SAMD4A: variants seen among roughly 807,000 people sequenced by gnomAD.
SAMD4A encodes sterile alpha motif domain containing 4A, also known as protein Smaug homolog 1.
In SAMD4A, 33 loss-of-function variants were observed where a neutral mutation model predicts 81.3. The observed-to-expected ratio is 0.41, with a 90% CI of 0.31 to 0.54. The LOEUF (loss-of-function observed/expected upper bound fraction) is 0.54. Among genes scored for constraint, SAMD4A ranks in the 20% least tolerant of loss-of-function variants. SAMD4A has a pLI of 0.37. For missense variants in SAMD4A, 854 were observed against 951.1 expected (o/e 0.90, Z 1.34); for synonymous variants, 389 against 382.1 (o/e 1.02, Z -0.21).
At chr14:54,621,457 C>T (rs2034613240) in intron 2 of SAMD4A, among the ~76,000 whole-genome samples, 1 of 152,132 alleles carries the variant, frequency 6.6e-6, no homozygotes, top group African/African-American at 2.4e-5. Context: ...TGAAGTGATT[C>T]TCCCACCTCA....
chr14:54,788,789 A>G, intron 12 of SAMD4A, 127 bp from the exon 13 acceptor site: 4 of 1,117,462 alleles, frequency 3.6e-6, no homozygotes, highest in East Asian at 2.4e-5. Flanking sequence ...GCGTGAACAC[A>G]TGAACGTAGG....
chr14:54,670,291 G>A (rs537880864), intron 2 of SAMD4A, among the ~76,000 whole-genome samples: 19 of 152,250 alleles, frequency 1.2e-4, no homozygotes, highest in South Asian at 2.1e-4. Flanking sequence ...GTAGGTTACC[G>A]TTCATCTGGT....
At chr14:54,627,781 A>C (rs2034801359) in intron 2 of SAMD4A, among the ~76,000 whole-genome samples, 2 of 152,230 alleles carry the variant, frequency 1.3e-5, no homozygotes, top group African/African-American at 4.8e-5. Flanking sequence ...CAGGTCAAAA[A>C]GTAATATTAT....
chr14:54,756,407 C>G (rs181650658), intron 6 of SAMD4A, among the ~76,000 whole-genome samples: 1 of 152,304 alleles, frequency 6.6e-6, no homozygotes, highest in East Asian at 1.9e-4. Flanking sequence ...GCTGTTTATC[C>G]TTTCCTGAAA....
chr14:54,612,276 C>A (rs770314497), intron 2 of SAMD4A, among the ~76,000 whole-genome samples: 96 of 152,106 alleles, frequency 6.3e-4, no homozygotes, highest in Non-Finnish European at 1.0e-3. Context: ...TTCCTTCAGT[C>A]TGTCCCTTAA....
intron 2 of SAMD4A, chr14:54,652,577 A>T (rs183028710): frequency 6.6e-6 from 1 of 152,118 alleles, no homozygotes. Context: ...AATCACGTCC[A>T]TTATCTTATT....
chr14:54,710,847 C>G (rs1036904096), intron 3 of SAMD4A, among the ~76,000 whole-genome samples: 5 of 152,210 alleles, frequency 3.3e-5, no homozygotes, highest in Admixed American at 3.3e-4. Context: ...TCTTCTTTAT[C>G]CGTATTTCCC....
intron 2 of SAMD4A, among the ~76,000 whole-genome samples, chr14:54,616,161 A>C (rs1194413681): frequency 6.6e-6 from 1 of 152,234 alleles, no homozygotes; most frequent in Non-Finnish European, 1.5e-5. Flanking sequence ...TCCCATAGGA[A>C]AGATTATAAA....
chr14:54,663,759 G>A (rs1263241992), intron 2 of SAMD4A, among the ~76,000 whole-genome samples: 2 of 152,132 alleles, frequency 1.3e-5, no homozygotes, highest in Non-Finnish European at 2.9e-5. Flanking sequence ...GAGGTACTGT[G>A]GGAGCTCACT....
chr14:54,570,961 C>G (rs2033111754), intron 2 of SAMD4A, among the ~76,000 whole-genome samples: 1 of 152,040 alleles, frequency 6.6e-6, no homozygotes, highest in African/African-American at 2.4e-5. Flanking sequence ...CACATTTTGT[C>G]TAGTGTTTAG....
chr14:54,710,422 C>T lies in SAMD4A; in HGVS notation c.715+7842C>T, dbSNP rs576595634. 1.2e-4 allele frequency among the ~76,000 whole-genome samples: 18 copies of T among 152,282 alleles called. No individual in the cohort carries two copies. In the East Asian group the frequency reaches 3.3e-3, roughly 28 times the overall value. On this transcript the variant is annotated intron_variant, in intron 3 of 12. Coordinates refer to ENST00000554335, the MANE Select transcript of SAMD4A (RefSeq NM_015589.6). ...GGGTATTATTGTTATCCCCATTTAA[C>T]AGCTAAGGGAACTGGAGCACAGAAA...
intron 2 of SAMD4A, among the ~76,000 whole-genome samples, chr14:54,684,717 C>T (rs113698442): frequency 1.7e-4 from 26 of 151,990 alleles, no homozygotes; most frequent in African/African-American, 6.0e-4. Context: ...CTGCAGCTGC[C>T]CACAGCTGTC....
intron 2 of SAMD4A, among the ~76,000 whole-genome samples, chr14:54,658,298 A>C (rs571111305): frequency 6.6e-6 from 1 of 152,294 alleles, no homozygotes; most frequent in Non-Finnish European, 1.5e-5. Context: ...GTGACAGAGC[A>C]CAACTGTGTC....
intron 3 of SAMD4A, among the ~76,000 whole-genome samples, chr14:54,714,243 G>A (rs1594848647): frequency 6.6e-6 from 1 of 152,018 alleles, no homozygotes; most frequent in Admixed American, 6.6e-5. Flanking sequence ...GAATTTAAAG[G>A]CATTTGCAAA....
intron 4 of SAMD4A, among the ~76,000 whole-genome samples, chr14:54,744,370 T>C (rs6572971): frequency 0.85 from 128,665 of 152,122 alleles, 54,443 homozygotes; most frequent in South Asian, 0.89. Flanking sequence ...ACTGGAGCCC[T>C]GCTTCTGTGT....
At chr14:54,634,443 T>G (rs1173138702) in intron 2 of SAMD4A, among the ~76,000 whole-genome samples, 1 of 152,054 alleles carries the variant, frequency 6.6e-6, no homozygotes, top group Non-Finnish European at 1.5e-5. Flanking sequence ...AGGGACTGGT[T>G]TCATGGAAGA....
chr14:54,587,141 A>C (rs1007297222), intron 2 of SAMD4A, among the ~76,000 whole-genome samples: 2 of 152,024 alleles, frequency 1.3e-5, no homozygotes, highest in Admixed American at 6.6e-5. Context: ...GGGATCTTTC[A>C]TGTCCTTGGT....
intron 8 of SAMD4A, among the ~76,000 whole-genome samples, chr14:54,765,388 C>T (rs369886796): frequency 2.7e-5 from 4 of 149,466 alleles, no homozygotes; most frequent in Admixed American, 1.3e-4. Context: ...TTTGGGAGGC[C>T]GAGGTGGGAG....
chr14:54,635,348 C>A (rs2140355576), intron 2 of SAMD4A, among the ~76,000 whole-genome samples: 1 of 151,832 alleles, frequency 6.6e-6, no homozygotes, highest in Non-Finnish European at 1.5e-5. Flanking sequence ...TCACTCAAAC[C>A]CAGGAGGCGG....
Sources: gnomAD v4.1 joint callset for allele counts (sites outside exome capture counted in the v4.1 genomes callset) on GRCh38, gnomAD v4.1.1 for gene constraint, MANE v1.5 for transcripts, NCBI Gene and HGNC (gene_info 2026-07-23, HGNC 2026-07-21) for gene names.